The following RHOBTB1 variants were observed in gnomAD, a reference collection of about 807,000 sequenced individuals.
The protein encoded by RHOBTB1 is rho-related BTB domain-containing protein 1.
Under a neutral mutation model 71.6 loss-of-function variants are expected in RHOBTB1, and 40 were observed. The ratio of observed to expected loss-of-function variants is 0.56; its 90% confidence interval spans 0.43 to 0.73. The LOEUF (loss-of-function observed/expected upper bound fraction) is 0.73, where lower values mean the gene tolerates loss of function less well. Among genes scored for constraint, RHOBTB1 ranks in the 30% least tolerant of loss-of-function variants. RHOBTB1 has a pLI of 0.00. For missense variants in RHOBTB1, 797 were observed against 894.0 expected, an observed-to-expected ratio of 0.89 and a Z score of 1.38; for synonymous variants, 319 against 334.9, an observed-to-expected ratio of 0.95 and a Z score of 0.52.
At chr10:60,882,664 T>A (rs546047182) in intron 7 of RHOBTB1, among the ~76,000 whole-genome samples, 1 of 152,030 alleles carries the variant, frequency 6.6e-6, no homozygotes, top group African/African-American at 2.4e-5. Context: ...TTTCTCAAGA[T>A]AATAGAAAGT....
chr10:60,863,129 G>T, the RHOBTB1 span, among the ~76,000 whole-genome samples: 1 of 152,096 alleles, frequency 6.6e-6, no homozygotes, highest in Non-Finnish European at 1.5e-5. Flanking sequence ...GCCTTTTTTA[G>T]AAAGAAATTG....
Position 60,871,614 on chromosome 10 carries a change from A to C in RHOBTB1, c.1959T>G (p.Pro653=). The part of the protein sequence containing the change: ...QEYFERHRWP[P]VWYLKEEDHY... ...GATCTTCTTCCTTCAGGTACCACAC[A>C]GGGGGCCAGCGGTGCCGCTCGAAGT... The change falls in exon 11 of 11, where the codon CCT becomes CCG. Residue 653 remains proline, a synonymous_variant. Coordinates refer to ENST00000337910, the MANE Select transcript of RHOBTB1 (RefSeq NM_014836.5). The C allele has an allele frequency of 6.2e-7, 1 of 1,614,062 alleles. No individual in the cohort carries two copies. The highest frequency in any genetic ancestry group is 8.5e-7 in the Non-Finnish European group (1 of 1,179,982).
rs76141848 is a variant in RHOBTB1, at chr10:60,939,293, C to T, written c.-11+2511G>A. 1.6e-3 allele frequency among the ~76,000 whole-genome samples: 245 copies of T among 152,190 alleles called. 2 individuals carry two copies. The East Asian group carries it at 0.038, about 23-fold the overall frequency. On this transcript the variant is annotated intron_variant, in intron 2 of 10. Coordinates refer to ENST00000337910, the MANE Select transcript of RHOBTB1 (RefSeq NM_014836.5). ...TCACACACACATCCATCATTTTTGG[C>T]GTCTTTTTGCCAATTTTCCAATTTC...
chr10:60,905,443 C>T (rs2082622589), intron 4 of RHOBTB1, among the ~76,000 whole-genome samples: 1 of 78,356 alleles, frequency 1.3e-5, no homozygotes, highest in East Asian at 4.0e-4. Context: ...GTGAGAGACT[C>T]TTTCTCAAAA....
At chr10:60,983,357 T>C (rs939542089) in intron 2 of RHOBTB1, among the ~76,000 whole-genome samples, 9 of 152,198 alleles carry the variant, frequency 5.9e-5, no homozygotes, top group Non-Finnish European at 1.2e-4. Flanking sequence ...ATTTGCTTAT[T>C]ATAAGACATA....
intron 1 of RHOBTB1, among the ~76,000 whole-genome samples, chr10:60,998,637 G>A (rs917987650): frequency 6.6e-6 from 1 of 152,168 alleles, no homozygotes; most frequent in African/African-American, 2.4e-5. Context: ...GGTGGAAAAA[G>A]GGGAAGGGAG....
At chr10:60,861,276 C>T in the RHOBTB1 span, among the ~76,000 whole-genome samples, 1 of 152,174 alleles carries the variant, frequency 6.6e-6, no homozygotes, top group Non-Finnish European at 1.5e-5. Context: ...ACATCTAGAA[C>T]TTCATTTGCA....
chr10:60,955,843 T>C (rs936725247), intron 2 of RHOBTB1, among the ~76,000 whole-genome samples: 1 of 152,226 alleles, frequency 6.6e-6, no homozygotes, highest in African/African-American at 2.4e-5. Context: ...GGATGTGCTA[T>C]CACGATTGAT....
At chr10:60,994,772 T>C (rs1252935978) in intron 1 of RHOBTB1, among the ~76,000 whole-genome samples, 1 of 152,130 alleles carries the variant, frequency 6.6e-6, no homozygotes, top group African/African-American at 2.4e-5. Context: ...GCAACTATGA[T>C]GTACCTTAAA....
intron 2 of RHOBTB1, among the ~76,000 whole-genome samples, chr10:60,929,771 T>C (rs2084123689): frequency 1.3e-5 from 2 of 152,040 alleles, no homozygotes; most frequent in East Asian, 1.9e-4. Flanking sequence ...CAATAACAAA[T>C]ATATGGAACA....
intron 2 of RHOBTB1, among the ~76,000 whole-genome samples, chr10:60,920,623 T>C (rs74577734): frequency 0.011 from 1,438 of 128,268 alleles, 19 homozygotes; most frequent in African/African-American, 0.046. Context: ...CTGATTTGCT[T>C]TTTTTTTTTT....
At chr10:60,941,542 C>T (rs73266037) in intron 2 of RHOBTB1, among the ~76,000 whole-genome samples, 9,868 of 152,156 alleles carry the variant, frequency 0.065, 567 homozygotes, top group African/African-American at 0.15. Context: ...ACGGGCACCA[C>T]TCTGATGCCT....
At chr10:60,882,475 A>G (rs2081369483) in intron 7 of RHOBTB1, among the ~76,000 whole-genome samples, 1 of 152,238 alleles carries the variant, frequency 6.6e-6, no homozygotes, top group Non-Finnish European at 1.5e-5. Flanking sequence ...GAGAAAAAAT[A>G]TAAGTAAGAT....
intron 9 of RHOBTB1, among the ~76,000 whole-genome samples, 157 bp from the exon 10 acceptor site, chr10:60,872,447 T>A (rs1365240605): frequency 1.3e-5 from 2 of 152,244 alleles, no homozygotes; most frequent in Admixed American, 1.3e-4. Flanking sequence ...ACTTTGGCCA[T>A]GGCTCCAATG....
chr10:60,966,397 T>C (rs1004371200), intron 2 of RHOBTB1, among the ~76,000 whole-genome samples: 1 of 151,338 alleles, frequency 6.6e-6, no homozygotes, highest in Non-Finnish European at 1.5e-5. Context: ...AGGCCAGGGG[T>C]GGTAGCTCAC....
At chr10:60,929,982 T>C (rs1419900637) in intron 2 of RHOBTB1, among the ~76,000 whole-genome samples, 1 of 152,146 alleles carries the variant, frequency 6.6e-6, no homozygotes, top group Non-Finnish European at 1.5e-5. Context: ...TCCCCCAAAG[T>C]GTAAATTGTT....
At chr10:60,999,258 A>G (rs766293623) in intron 1 of RHOBTB1, among the ~76,000 whole-genome samples, 6 of 149,500 alleles carry the variant, frequency 4.0e-5, no homozygotes, top group Non-Finnish European at 9.0e-5. Context: ...GGAAATGAAA[A>G]GAAAAGTCCA....
upstream of RHOBTB1, among the ~76,000 whole-genome samples, chr10:60,945,007 CTT>C (rs1363418377): frequency 2.0e-5 from 3 of 152,294 alleles, no homozygotes; most frequent in South Asian, 2.1e-4. Flanking sequence ...CTCACAGAAA[CTT>C]CTCTCTCTTC....
chr10:60,936,829 T>A (rs190126692), intron 2 of RHOBTB1, among the ~76,000 whole-genome samples: 1 of 152,332 alleles, frequency 6.6e-6, no homozygotes, highest in Admixed American at 6.5e-5. Context: ...AAAACTTACA[T>A]ATAATCAATT....
Sources: allele counts gnomAD v4.1 joint callset (sites outside exome capture counted in the v4.1 genomes callset), GRCh38; gene constraint gnomAD v4.1.1; transcripts MANE v1.5; gene names NCBI Gene and HGNC (gene_info 2026-07-23, HGNC 2026-07-21).